SEMA5A: variants seen among roughly 807,000 people sequenced by gnomAD.
SEMA5A encodes the protein semaphorin-5A.
SEMA5A carries 55 observed loss-of-function variants against 135.5 expected under a neutral mutation model. That is an observed-to-expected ratio of 0.41 (90% CI 0.33 to 0.51). The LOEUF (loss-of-function observed/expected upper bound fraction) is 0.51, where lower values mean the gene tolerates loss of function less well. Ranked by LOEUF, SEMA5A falls within the 20% of genes least tolerant of loss-of-function variation. The probability of loss-of-function intolerance (pLI) is 0.37; values close to 1 mark genes in which losing one functional copy is unlikely to be tolerated. For missense variants in SEMA5A, 1,290 were observed against 1,419.9 expected, an observed-to-expected ratio of 0.91 and a Z score of 1.47; for synonymous variants, 580 against 546.5, an observed-to-expected ratio of 1.06 and a Z score of -0.85.
At chr5:9,374,685 C>G (rs751655303) in intron 3 of SEMA5A, among the ~76,000 whole-genome samples, 1 of 151,516 alleles carries the variant, frequency 6.6e-6, no homozygotes, top group Non-Finnish European at 1.5e-5. Flanking sequence ...TAGTTTTATT[C>G]CCTCCTCAGA....
chr5:9,088,893 C>T (rs772556386), intron 16 of SEMA5A, among the ~76,000 whole-genome samples: 1 of 152,090 alleles, frequency 6.6e-6, no homozygotes, highest in African/African-American at 2.4e-5. Flanking sequence ...CTCCCACTCC[C>T]GTGGCCTGTA....
At chr5:9,263,810 C>T (rs1749532439) in intron 5 of SEMA5A, among the ~76,000 whole-genome samples, 1 of 152,216 alleles carries the variant, frequency 6.6e-6, no homozygotes, top group African/African-American at 2.4e-5. Context: ...AAGATGTTCT[C>T]ATGGCTGAGT....
In SEMA5A at chr5:9,035,635, G is replaced by A. The variant is rs1343775700; in HGVS notation, c.*7262C>T. The A allele has an allele frequency of 1.3e-5, 2 of 152,176 alleles. No individual in the cohort carries two copies. The highest frequency in any genetic ancestry group is 2.9e-5 in the Non-Finnish European group (2 of 68,018). The allele number at this position is 152,176 out of a possible 1,614,324, so 9.4% of individuals were successfully genotyped here. ...AACCAGTGAATTGATGGACAGGAAA[G>A]ATAAAAGTCATGAACATTAGAAATT... On this transcript the variant is annotated 3_prime_UTR_variant, in exon 23 of 23. Coordinates refer to ENST00000382496, the MANE Select transcript of SEMA5A (RefSeq NM_003966.3).
chr5:9,391,535 G>A (rs572430138), intron 2 of SEMA5A, among the ~76,000 whole-genome samples: 4 of 152,154 alleles, frequency 2.6e-5, no homozygotes, highest in Admixed American at 6.5e-5. Flanking sequence ...CTGAGTCTTC[G>A]CCATCACAGC....
intron 3 of SEMA5A, among the ~76,000 whole-genome samples, chr5:9,351,956 C>T (rs1346326721): frequency 6.6e-6 from 1 of 152,152 alleles, no homozygotes; most frequent in East Asian, 1.9e-4. Context: ...TCTCTCTCAT[C>T]GTTCATTCAA....
chr5:9,440,687 T>G (rs773574102), intron 1 of SEMA5A, among the ~76,000 whole-genome samples: 6 of 152,204 alleles, frequency 3.9e-5, no homozygotes, highest in Non-Finnish European at 8.8e-5. Flanking sequence ...TGAATACCAA[T>G]TATAACTTAC....
intron 2 of SEMA5A, among the ~76,000 whole-genome samples, chr5:9,398,100 AT>A (rs1181907933): frequency 1.3e-5 from 2 of 152,096 alleles, no homozygotes; most frequent in Non-Finnish European, 2.9e-5. Context: ...ATGGCCAAGT[AT>A]TTTTTTTCCA....
chr5:9,420,365 T>C (rs1373254833), intron 2 of SEMA5A, among the ~76,000 whole-genome samples: 1 of 152,168 alleles, frequency 6.6e-6, no homozygotes, highest in Admixed American at 6.5e-5. Context: ...AGAATTATGG[T>C]AGTTGCACTC....
intron 16 of SEMA5A, among the ~76,000 whole-genome samples, chr5:9,067,501 T>C (rs1336979047): frequency 6.6e-6 from 1 of 152,184 alleles, no homozygotes; most frequent in Non-Finnish European, 1.5e-5. Context: ...ATAATACACC[T>C]AGTGATGGCC....
rs762213863 is a variant in SEMA5A, at chr5:9,136,540, G to C, written c.1563C>G (p.Ser521Arg). 2 of 1,614,176 alleles carry C rather than the reference G, an allele frequency of 1.2e-6. No homozygotes were observed. The highest frequency in any genetic ancestry group is 1.3e-5 in the African/African-American group (1 of 75,060). The change falls in exon 13 of 23, where the codon AGC becomes AGG. Residue 521 changes from serine (S) to arginine (R), a missense_variant. This residue lies in a region of SEMA5A where 1,029 missense variants were observed against 1,086.6 expected (regional missense o/e 0.95). Coordinates refer to ENST00000382496, the MANE Select transcript of SEMA5A (RefSeq NM_003966.3). Reference sequence around the variant, plus strand: ...AGATGCTCTGTTCCCACTGCGTCATGCTCAGGCTCTCCTCCAGGCTTGTGC... The same window carrying C: ...AGATGCTCTGTTCCCACTGCGTCATCCTCAGGCTCTCCTCCAGGCTTGTGC... ...KKCTSLEESL[S>R]MTQWEQSISA...
intron 4 of SEMA5A, among the ~76,000 whole-genome samples, chr5:9,329,902 A>G (rs1753044117): frequency 6.6e-6 from 1 of 152,138 alleles, no homozygotes; most frequent in Non-Finnish European, 1.5e-5. Flanking sequence ...TCATCTCTAG[A>G]TTACTTATAT....
At chr5:9,189,579 A>T (rs922075104) in intron 11 of SEMA5A, among the ~76,000 whole-genome samples, 8 of 152,186 alleles carry the variant, frequency 5.3e-5, no homozygotes, top group African/African-American at 1.9e-4. Context: ...CCACCATGAG[A>T]TGGCTCTGTA....
At chr5:9,529,959 G>A (rs1009428712) in intron 1 of SEMA5A, among the ~76,000 whole-genome samples, 3 of 152,146 alleles carry the variant, frequency 2.0e-5, no homozygotes, top group South Asian at 2.1e-4. Context: ...CATCAGATCC[G>A]AAAGGTGTCA....
chr5:9,389,015 GA>G (rs1332973609), intron 2 of SEMA5A, among the ~76,000 whole-genome samples: 1 of 152,194 alleles, frequency 6.6e-6, no homozygotes, highest in Non-Finnish European at 1.5e-5. Flanking sequence ...ACAGTGGGAA[GA>G]AAAGACGATA....
At chr5:9,512,839 A>C (rs1736283096) in intron 1 of SEMA5A, among the ~76,000 whole-genome samples, 1 of 152,158 alleles carries the variant, frequency 6.6e-6, no homozygotes, top group Admixed American at 6.6e-5. Context: ...TCTGTTCTTG[A>C]AAGTCACATA....
At chr5:9,505,788 G>T (rs1191134166) in intron 1 of SEMA5A, among the ~76,000 whole-genome samples, 2 of 152,192 alleles carry the variant, frequency 1.3e-5, no homozygotes, top group Admixed American at 1.3e-4. Flanking sequence ...TATCGTGCAG[G>T]GTTATGGATA....
At chr5:9,359,714 G>T (rs1754607135) in intron 3 of SEMA5A, among the ~76,000 whole-genome samples, 1 of 152,120 alleles carries the variant, frequency 6.6e-6, no homozygotes, top group Non-Finnish European at 1.5e-5. Flanking sequence ...CTCCATGTTG[G>T]CTTGTTAGGC....
rs1252570408 is a variant in SEMA5A, at chr5:9,215,819, T to C, written c.646+8855A>G. Among the ~76,000 whole-genome samples, 6 of 152,222 alleles carry C rather than the reference T, an allele frequency of 3.9e-5. No individual in the cohort carries two copies. The East Asian group carries it at 9.6e-4, about 24-fold the overall frequency. On this transcript the variant is annotated intron_variant, in intron 8 of 22. Transcript: ENST00000382496. ...TATTAGTCTAGCTAGTGGCCTATCT[T>C]ATTTTTTTTTTCAGAAAACCAACTC...
Position 9,311,496 on chromosome 5 carries a change from A to G in SEMA5A, c.270+6876T>C, listed in dbSNP as rs1282825198. Among the ~76,000 whole-genome samples, 6 of 151,564 alleles carry G rather than the reference A, an allele frequency of 4.0e-5. No homozygotes were observed. In the East Asian group the frequency reaches 7.8e-4, roughly 20 times the overall value. On this transcript the variant is annotated intron_variant, in intron 5 of 22. Coordinates refer to ENST00000382496, the MANE Select transcript of SEMA5A (RefSeq NM_003966.3). ...TTCCCAGTAAACTATCGCAAGGACA[A>G]AAAAACAAACACCACATGTTCTCAC...
Sources: allele counts gnomAD v4.1 joint callset (sites outside exome capture counted in the v4.1 genomes callset), GRCh38; gene constraint gnomAD v4.1.1; regional missense constraint gnomAD v4.1.1; transcripts MANE v1.5; gene names NCBI Gene and HGNC (gene_info 2026-07-23, HGNC 2026-07-21).